RAB27B: variants seen among roughly 807,000 people sequenced by gnomAD.
RAB27B encodes the protein RAB27B, member RAS oncogene family.
In RAB27B, 15 loss-of-function variants were observed where a neutral mutation model predicts 24.6. The observed-to-expected ratio is 0.61, with a 90% CI of 0.41 to 0.94. The LOEUF is 0.94. Among genes scored for constraint, RAB27B ranks in the 40% least tolerant of loss-of-function variants. The probability of loss-of-function intolerance (pLI) is 0.00; values close to 1 mark genes in which losing one functional copy is unlikely to be tolerated. For missense variants in RAB27B, 261 were observed against 266.8 expected (o/e 0.98, Z 0.15); for synonymous variants, 105 against 92.5 (o/e 1.14, Z -0.78).
At chr18:54,867,219 C>G (rs1485251144) in intron 1 of RAB27B, among the ~76,000 whole-genome samples, 1 of 152,002 alleles carries the variant, frequency 6.6e-6, no homozygotes, top group Admixed American at 6.6e-5. Context: ...GGGAGAGGTG[C>G]TAAGTGGGAG....
At chr18:54,804,413 GCTT>G (rs1312346731) in intron 2 of RAB27B, among the ~76,000 whole-genome samples, 2 of 152,234 alleles carry the variant, frequency 1.3e-5, no homozygotes, top group East Asian at 1.9e-4. Flanking sequence ...TTCTGCTTTT[GCTT>G]CTTCTTCATT....
At chr18:54,888,664 C>T (rs550928022) in intron 5 of RAB27B, among the ~76,000 whole-genome samples, 2 of 151,720 alleles carry the variant, frequency 1.3e-5, no homozygotes, top group East Asian at 1.9e-4. Flanking sequence ...AATTGACTTC[C>T]GTGGCAGAAT....
At position 54,761,129 on chromosome 18, in the gene RAB27B, T is replaced by C. The variant is rs551519283; in HGVS notation, c.-20+42988T>C. Among the ~76,000 whole-genome samples the C allele has an allele frequency of 5.9e-4, 90 of 152,246 alleles. 1 individual carries two copies. In the South Asian group the frequency reaches 0.013, roughly 22 times the overall value. On this transcript the variant is annotated intron_variant, in intron 2 of 4. Coordinates refer to the RAB27B transcript ENST00000586570. ...CTCTCAGAAGTTATAATTTGGGAAG[T>C]AAATCAAGATTTCAGCTTAAATTGA... is the stretch of plus-strand genomic sequence containing the variant.
intron 2 of RAB27B, among the ~76,000 whole-genome samples, chr18:54,810,673 T>C (rs1568075348): frequency 6.6e-6 from 1 of 151,520 alleles, no homozygotes; most frequent in East Asian, 1.9e-4. Flanking sequence ...CTACTAAAAA[T>C]AGAAAAATTA....
chr18:54,812,559 A>ACACG (rs1909998409), intron 2 of RAB27B, among the ~76,000 whole-genome samples: 1 of 99,236 alleles, frequency 1.0e-5, no homozygotes, highest in Non-Finnish European at 2.3e-5. Context: ...TAACACACAC[A>ACACG]CACACACACA....
intron 2 of RAB27B, among the ~76,000 whole-genome samples, chr18:54,749,556 C>T (rs1253733348): frequency 6.6e-6 from 1 of 152,180 alleles, no homozygotes; most frequent in East Asian, 1.9e-4. Flanking sequence ...TACCCTCCTA[C>T]TCAACTGTAT....
At chr18:54,812,658 C>CA (rs765151935) in intron 2 of RAB27B, among the ~76,000 whole-genome samples, 1 of 151,698 alleles carries the variant, frequency 6.6e-6, no homozygotes, top group Non-Finnish European at 1.5e-5. Flanking sequence ...TTAACCTAGA[C>CA]AATTGCTTTC....
At chr18:54,737,645 G>C (rs1490986047) in intron 2 of RAB27B, among the ~76,000 whole-genome samples, 1 of 152,106 alleles carries the variant, frequency 6.6e-6, no homozygotes, top group South Asian at 2.1e-4. Flanking sequence ...CTGGCAAAGA[G>C]AGATGCTCAA....
chr18:54,874,132 C>T (rs1043158577), intron 1 of RAB27B, among the ~76,000 whole-genome samples: 12 of 152,118 alleles, frequency 7.9e-5, no homozygotes, highest in South Asian at 2.1e-4. Flanking sequence ...CATGATAGGT[C>T]GTGTAGTTAG....
intron 1 of RAB27B, among the ~76,000 whole-genome samples, chr18:54,870,361 A>G (rs1346762744): frequency 6.6e-6 from 1 of 152,178 alleles, no homozygotes; most frequent in African/African-American, 2.4e-5. Flanking sequence ...AAGAAAGTGC[A>G]ATTGACAAAT....
chr18:54,788,051 T>A (rs1377989718), intron 2 of RAB27B, among the ~76,000 whole-genome samples: 1 of 152,202 alleles, frequency 6.6e-6, no homozygotes. Context: ...TGTACATCAA[T>A]GTTTTTGGTA....
At chr18:54,875,939 C>G (rs1329798596) in intron 1 of RAB27B, among the ~76,000 whole-genome samples, 1 of 152,012 alleles carries the variant, frequency 6.6e-6, no homozygotes, top group African/African-American at 2.4e-5. Context: ...TTAGAATTAT[C>G]TAGTGATTTT....
intron 2 of RAB27B, among the ~76,000 whole-genome samples, chr18:54,810,154 T>G (rs1041631014): frequency 1.3e-5 from 2 of 152,162 alleles, no homozygotes; most frequent in African/African-American, 2.4e-5. Flanking sequence ...AGAGTTAAAT[T>G]AAAAGATGCT....
intron 2 of RAB27B, among the ~76,000 whole-genome samples, chr18:54,755,667 CA>C (rs1907982267): frequency 1.3e-5 from 2 of 152,168 alleles, no homozygotes; most frequent in African/African-American, 4.8e-5. Context: ...CACTACTTTG[CA>C]GTAATTTTAT....
chr18:54,838,095 A>C (rs1972592), intron 1 of RAB27B, among the ~76,000 whole-genome samples: 100,401 of 151,928 alleles, frequency 0.66, 35,845 homozygotes, highest in East Asian at 0.92. Flanking sequence ...ATTAACTCCC[A>C]TTCTCTTCAT....
rs1260682933 is a variant in RAB27B, at chr18:54,891,673, C to A, written c.*2260C>A. 6.6e-6 allele frequency: 1 copy of A among 151,960 alleles called. No homozygotes were observed. Among genetic ancestry groups the A allele is most frequent in the African/African-American group, 2.4e-5 (1 of 41,374 alleles). The allele number at this position is 151,960 out of a possible 1,614,324, so 9.4% of individuals were successfully genotyped here. On this transcript the variant is annotated 3_prime_UTR_variant, in exon 6 of 6. Coordinates refer to ENST00000262094, the MANE Select transcript of RAB27B (RefSeq NM_004163.4). ...TTTGATATGTCTTTTTGTTTCTATT[C>A]ATTTTCAGTTATATGATTGATTTAC... is the stretch of plus-strand genomic sequence containing the variant.
At chr18:54,876,693 G>A (rs1912717175) in intron 1 of RAB27B, among the ~76,000 whole-genome samples, 1 of 151,972 alleles carries the variant, frequency 6.6e-6, no homozygotes, top group Admixed American at 6.6e-5. Flanking sequence ...GTTGTTAAAT[G>A]TTTTAAATTA....
At chr18:54,778,773 T>C (rs963552277) in intron 2 of RAB27B, among the ~76,000 whole-genome samples, 1 of 152,118 alleles carries the variant, frequency 6.6e-6, no homozygotes, top group African/African-American at 2.4e-5. Context: ...ACTTCTTGCC[T>C]CTCTGCTTTG....
chr18:54,782,632 T>A (rs1908951775), intron 2 of RAB27B, among the ~76,000 whole-genome samples: 1 of 152,212 alleles, frequency 6.6e-6, no homozygotes, highest in South Asian at 2.1e-4. Flanking sequence ...CTACAATGAT[T>A]TTCAAAATTG....
Sources: gnomAD v4.1 joint callset for allele counts (sites outside exome capture counted in the v4.1 genomes callset) on GRCh38, gnomAD v4.1.1 for gene constraint, MANE v1.5 for transcripts, NCBI Gene and HGNC (gene_info 2026-07-23, HGNC 2026-07-21) for gene names.